The following DICER1 variants were observed in gnomAD, a reference collection of about 807,000 sequenced individuals.
DICER1 encodes endoribonuclease Dicer.
In DICER1, 43 loss-of-function variants were observed where a neutral mutation model predicts 194.1. The ratio of observed to expected loss-of-function variants is 0.22; its 90% CI spans 0.17 to 0.29. The LOEUF is 0.29. Among genes scored for constraint, DICER1 ranks in the 10% least tolerant of loss-of-function variants. The pLI is 1.00. For missense variants in DICER1, 1,608 were observed against 2,317.0 expected (o/e 0.69, Z 6.28); for synonymous variants, 832 against 820.5 (o/e 1.01, Z -0.24).
At chr14:95,149,450 C>T (rs1291742179) in intron 1 of DICER1, among the ~76,000 whole-genome samples, 1 of 152,112 alleles carries the variant, frequency 6.6e-6, no homozygotes, top group Non-Finnish European at 1.5e-5. Flanking sequence ...CGAACCCCAC[C>T]CCACAACTTT....
At chr14:95,143,348 A>G (rs1355633883) in intron 1 of DICER1, among the ~76,000 whole-genome samples, 1 of 152,222 alleles carries the variant, frequency 6.6e-6, no homozygotes, top group African/African-American at 2.4e-5. Context: ...CCCTGCTGAA[A>G]ATAAAAGGGA....
intron 11 of DICER1, among the ~76,000 whole-genome samples, chr14:95,114,049 T>A (rs8008927): frequency 0.064 from 9,800 of 152,256 alleles, 406 homozygotes; most frequent in African/African-American, 0.11. Flanking sequence ...TATCAACAGA[T>A]AGACACTGAA....
chr14:95,114,890 A>G (rs1330269953), intron 11 of DICER1, among the ~76,000 whole-genome samples: 2 of 152,202 alleles, frequency 1.3e-5, no homozygotes, highest in Non-Finnish European at 2.9e-5. Context: ...ACAAAATGAC[A>G]GCCTATCTAT....
chr14:95,111,146 G>A (rs1237477262), intron 14 of DICER1, among the ~76,000 whole-genome samples, 171 bp downstream of exon 14: 2 of 152,124 alleles, frequency 1.3e-5, no homozygotes, highest in African/African-American at 4.8e-5. Flanking sequence ...ACATTAGGAA[G>A]GAAAGAGGCT....
chr14:95,135,374 T>C (rs1157842467), intron 1 of DICER1, among the ~76,000 whole-genome samples: 1 of 152,206 alleles, frequency 6.6e-6, no homozygotes, highest in Non-Finnish European at 1.5e-5. Context: ...AGGGCCGTGA[T>C]GTAAATACCC....
chr14:95,146,624 C>G (rs541270284), intron 1 of DICER1, among the ~76,000 whole-genome samples: 1 of 152,296 alleles, frequency 6.6e-6, no homozygotes, highest in South Asian at 2.1e-4. Context: ...TCAGGAACCG[C>G]CAAACGTGGG....
In DICER1 at chr14:95,133,480, G is replaced by T; in HGVS notation, c.-22C>A. On this transcript the variant is annotated 5_prime_UTR_variant, in exon 2 of 27. Transcript: ENST00000343455. The stretch of plus-strand genomic sequence containing the variant: ...TCATTCATCCAGTGTTTCTTTCATT[G>T]CATTTTTGTTCTAGCACAGCTTACT... 6.2e-7 allele frequency: 1 copy of T among 1,604,606 alleles called. No homozygotes were observed. The highest frequency in any genetic ancestry group is 8.5e-7 in the Non-Finnish European group (1 of 1,174,736).
chr14:95,128,540 C>G (rs1271964034), intron 6 of DICER1, among the ~76,000 whole-genome samples: 1 of 152,182 alleles, frequency 6.6e-6, no homozygotes. Flanking sequence ...TTCTCACTCT[C>G]CAAAGAAAAT....
intron 24 of DICER1, among the ~76,000 whole-genome samples, chr14:95,091,788 G>A (rs538817868): frequency 4.6e-5 from 7 of 152,284 alleles, no homozygotes; most frequent in South Asian, 2.1e-4. Context: ...GTGCTGGCAC[G>A]GGTGTATGCT....
At chr14:95,140,719 A>G (rs1445576999) in intron 1 of DICER1, 2 of 152,212 alleles carry the variant, frequency 1.3e-5, no homozygotes, top group Non-Finnish European at 2.9e-5. Context: ...ACATTGTGAT[A>G]GCAGTTTATT....
rs371866923 is a variant in DICER1 at position 95,156,812 on chromosome 14, C to T, written c.-46+418G>A. On this transcript the variant is annotated intron_variant, in intron 1 of 26. Coordinates refer to ENST00000343455, the MANE Select transcript of DICER1 (RefSeq NM_177438.3). ...ACAGCGGCCCCATCAGAGGAGGGCC[C>T]CAGGGTGCTCCGGCAGGTCAGGCGC... Among the ~76,000 whole-genome samples the T allele has an allele frequency of 5.9e-5, 9 of 152,276 alleles. No individual in the cohort carries two copies. In the East Asian group the frequency reaches 1.4e-3, roughly 23 times the overall value.
Position 95,108,092 on chromosome 14 carries a change from A to C in DICER1, c.2438T>G (p.Ile813Ser). ...GILTAKPIPQ[I>S]PHFPVYTRSG... The stretch of plus-strand genomic sequence containing the variant: ...GCGTGTGTACACAGGAAAGTGTGGA[A>C]TCTTAGCAAAAGGAAATGTAAAGCA... Residue 813 changes from isoleucine to serine, a missense_variant and splice_region_variant, in exon 16 of 27, where the codon ATT (isoleucine) becomes AGT (serine). By Grantham distance (142) the Ile-to-Ser change is moderately radical. Coordinates refer to ENST00000343455, the MANE Select transcript of DICER1 (RefSeq NM_177438.3). The C allele has an allele frequency of 6.2e-7, 1 of 1,609,990 alleles. No individual in the cohort carries two copies. Among genetic ancestry groups the C allele is most frequent in the South Asian group, 1.1e-5 (1 of 90,978 alleles).
chr14:95,094,232 A>C (rs1045990199), intron 23 of DICER1, 76 bp from the exon 24 acceptor site: 1 of 1,528,916 alleles, frequency 6.5e-7, no homozygotes, highest in Non-Finnish European at 9.0e-7. Flanking sequence ...CTGATCCCCA[A>C]ATCCGAAGAA....
At position 95,107,532 on chromosome 14, in the gene DICER1, G is replaced by A. The variant is rs547294153; in HGVS notation, c.2804+76C>T. ...CCCAAAGTGCTGGGACTGCAGGCGTGAGCCACCGTGCCCGACCTAGTGCAT... is the reference window on the plus strand; with the variant it reads ...CCCAAAGTGCTGGGACTGCAGGCGTAAGCCACCGTGCCCGACCTAGTGCAT... On this transcript the variant is annotated intron_variant, in intron 17 of 26. Coordinates refer to ENST00000343455, the MANE Select transcript of DICER1 (RefSeq NM_177438.3). 361 of 1,490,118 alleles carry A rather than the reference G, an allele frequency of 2.4e-4. 7 individuals are homozygous for A. The South Asian group carries it at 4.0e-3, about 16-fold the overall frequency. The allele number at this position is 1,490,118 out of a possible 1,614,324, so 92.3% of individuals were successfully genotyped here.
chr14:95,135,749 G>A (rs1265685467), intron 1 of DICER1, among the ~76,000 whole-genome samples: 1 of 152,092 alleles, frequency 6.6e-6, no homozygotes, highest in East Asian at 1.9e-4. Flanking sequence ...CTTCTTTTTA[G>A]CGCTGAATAA....
chr14:95,122,930 G>A (rs1415272403), intron 8 of DICER1, among the ~76,000 whole-genome samples: 14 of 151,054 alleles, frequency 9.3e-5, no homozygotes, highest in African/African-American at 2.0e-4. Context: ...GTGCGCGTGC[G>A]TGTACGCGCG....
chr14:95,109,896 A>G (rs1354687208), intron 14 of DICER1, among the ~76,000 whole-genome samples: 1 of 152,264 alleles, frequency 6.6e-6, no homozygotes, highest in African/African-American at 2.4e-5. Flanking sequence ...AACTTTTATT[A>G]CAGTATATGG....
intron 1 of DICER1, among the ~76,000 whole-genome samples, chr14:95,136,195 C>A (rs1449335571): frequency 1.3e-5 from 2 of 151,746 alleles, no homozygotes; most frequent in Non-Finnish European, 2.9e-5. Context: ...CAACATAAAT[C>A]TTTTTCTTCA....
chr14:95,133,161 G>C (rs1422183544), intron 2 of DICER1, among the ~76,000 whole-genome samples, 154 bp downstream of exon 2: 1 of 152,068 alleles, frequency 6.6e-6, no homozygotes, highest in Non-Finnish European at 1.5e-5. Context: ...GAAAAGAAAA[G>C]GACTATTAAG....
Sources: allele counts gnomAD v4.1 joint callset (sites outside exome capture counted in the v4.1 genomes callset), GRCh38; gene constraint gnomAD v4.1.1; transcripts MANE v1.5; gene names NCBI Gene and HGNC (gene_info 2026-07-23, HGNC 2026-07-21).